Variants in CFAP251 observed in about 807,000 individuals in gnomAD.
CFAP251 encodes cilia- and flagella-associated protein 251.
A neutral mutation model predicts 126.7 loss-of-function variants in CFAP251; 93 were observed. That is an observed-to-expected ratio of 0.73 (90% CI 0.62 to 0.87). The LOEUF is 0.87. CFAP251 is among the 40% of genes least tolerant of loss of function. The pLI, the probability that CFAP251 is intolerant of heterozygous loss-of-function variation, is 0.00. For missense variants in CFAP251, 1,287 were observed against 1,389.2 expected, an observed-to-expected ratio of 0.93 and a Z score of 1.17; for synonymous variants, 503 against 506.9, an observed-to-expected ratio of 0.99 and a Z score of 0.10.
chr12:121,992,785 A>G (rs1050553479), intron 19 of CFAP251, among the ~76,000 whole-genome samples: 1 of 152,038 alleles, frequency 6.6e-6, no homozygotes. Context: ...TTCACAGCCC[A>G]GGCTGTCTCA....
At chr12:121,936,730 C>T (rs1292602000) in intron 5 of CFAP251, among the ~76,000 whole-genome samples, 1 of 152,070 alleles carries the variant, frequency 6.6e-6, no homozygotes, top group East Asian at 1.9e-4. Context: ...TGTAGGGTTT[C>T]AGGGAGGGGC....
At chr12:121,953,740 G>T (rs1245310240) in intron 9 of CFAP251, 2 of 191,350 alleles carry the variant, frequency 1.0e-5, no homozygotes, top group Non-Finnish European at 2.2e-5. Flanking sequence ...ATAAAAGGAG[G>T]CTGGGATAAT....
chr12:122,000,318 G>A lies in CFAP251; in HGVS notation c.3235+374G>A, dbSNP rs192893897. Reference sequence around the variant, plus strand: ...TGTAATCCCAGCACTTTGGGAGGCCGAGGCGGGCGGATTGCTTGAGGTCAG... The same window carrying A: ...TGTAATCCCAGCACTTTGGGAGGCCAAGGCGGGCGGATTGCTTGAGGTCAG... On this transcript the variant is annotated intron_variant, in intron 20 of 21. Transcript: ENST00000288912. Among the ~76,000 whole-genome samples, 49 of 152,240 alleles carry A rather than the reference G, an allele frequency of 3.2e-4. 1 individual carries two copies. In the East Asian group the frequency reaches 8.3e-3, roughly 26 times the overall value.
chr12:121,950,606 G>T (rs1881484813), intron 8 of CFAP251: 1 of 152,018 alleles, frequency 6.6e-6, no homozygotes, highest in African/African-American at 2.4e-5. Context: ...CATCCAGGCT[G>T]CAGTGCAGTG....
rs1881427083 is a variant in CFAP251, at chr12:121,949,029, A to G, written c.1237A>G (p.Asn413Asp). ...NPTNNKELVS[N>D]SKTRAIYYAW... The stretch of plus-strand genomic sequence containing the variant: ...AACAAATAATAAAGAATTGGTGAGC[A>G]ATAGTAAAACACGGGCAATATATTA... Residue 413 changes from asparagine to aspartate, a missense_variant, in exon 8 of 22, where the codon AAT (asparagine) becomes GAT (aspartate). By Grantham distance (23) the Asn-to-Asp change is conservative (BLOSUM62 1). Coordinates refer to ENST00000288912, the MANE Select transcript of CFAP251 (RefSeq NM_144668.6). 6.3e-7 allele frequency: 1 copy of G among 1,590,302 alleles called. No homozygotes were observed. The highest frequency in any genetic ancestry group is 8.6e-7 in the Non-Finnish European group (1 of 1,168,592).
chr12:121,995,978 G>A (rs1883013936), intron 19 of CFAP251, among the ~76,000 whole-genome samples: 1 of 152,204 alleles, frequency 6.6e-6, no homozygotes, highest in South Asian at 2.1e-4. Flanking sequence ...ATTGTGATTG[G>A]ATGGTTGGAT....
intron 5 of CFAP251, among the ~76,000 whole-genome samples, chr12:121,937,344 G>A (rs1035001013): frequency 6.6e-6 from 1 of 152,102 alleles, no homozygotes; most frequent in African/African-American, 2.4e-5. Flanking sequence ...GAGGACACTG[G>A]GCATTAGATT....
chr12:121,931,621 T>C (rs1247928911), intron 3 of CFAP251, 125 bp from the exon 4 acceptor site: 3 of 994,308 alleles, frequency 3.0e-6, no homozygotes, highest in Non-Finnish European at 2.7e-6. Context: ...CTGAGGACTT[T>C]CTTAAAGTGG....
At chr12:121,968,256 C>A in intron 17 of CFAP251, 87 bp downstream of exon 17, 2 of 1,362,694 alleles carry the variant, frequency 1.5e-6, no homozygotes, top group East Asian at 2.4e-5. Flanking sequence ...TACTGCGTGC[C>A]AGGCACTGTG....
At chr12:121,987,829 G>A (rs1713114547) in intron 19 of CFAP251, among the ~76,000 whole-genome samples, 1 of 152,080 alleles carries the variant, frequency 6.6e-6, no homozygotes, top group South Asian at 2.1e-4. Flanking sequence ...CGAGGGCACA[G>A]CCAGGGTTTG....
At chr12:121,969,167 A>G (rs977784241) in intron 17 of CFAP251, 21 of 985,312 alleles carry the variant, frequency 2.1e-5, no homozygotes, top group Non-Finnish European at 2.5e-5. Context: ...ACCCCCTGCC[A>G]TCTGCCAAAT....
intron 17 of CFAP251, chr12:121,969,224 C>T (rs1239512446): frequency 1.0e-6 from 1 of 985,306 alleles, no homozygotes; most frequent in African/African-American, 1.7e-5. Context: ...TACTCTTAAC[C>T]TGAATATGAG....
rs772834701 is a variant in CFAP251, at chr12:121,942,606, C to T, written c.1071C>T (p.Asp357=). The part of the protein sequence containing the change: ...NGIMAMAMTH[D]AKYLATISDA... Reference sequence around the variant, plus strand: ...TCATGGCCATGGCCATGACCCACGACGCCAAGTATCTGGCAACCATCTCAG... The same window carrying T: ...TCATGGCCATGGCCATGACCCACGATGCCAAGTATCTGGCAACCATCTCAG... Residue 357 remains aspartate, a synonymous_variant, in exon 6 of 22, where the codon GAC becomes GAT. Transcript: ENST00000288912. The T allele has an allele frequency of 1.9e-5, 31 of 1,613,402 alleles. No individual in the cohort carries two copies. Among genetic ancestry groups the T allele is most frequent in the South Asian group, 4.4e-5 (4 of 91,084 alleles).
At chr12:121,976,823 C>A (rs1336271788) in intron 19 of CFAP251, among the ~76,000 whole-genome samples, 1 of 152,094 alleles carries the variant, frequency 6.6e-6, no homozygotes, top group East Asian at 1.9e-4. Context: ...GCAGGAGGAT[C>A]ACTTGAGCCC....
At position 121,926,621 on chromosome 12, in the gene CFAP251, C is replaced by A. The variant is rs117510377; in HGVS notation, c.747+2631C>A. The stretch of plus-strand genomic sequence containing the variant: ...GAGATTATAGGTGTGAGCTACCGTA[C>A]CCGGCCTCAATTTTTTCTTTTTGTT... On this transcript the variant is annotated intron_variant, in intron 3 of 21. Transcript: ENST00000288912. Among the ~76,000 whole-genome samples the A allele has an allele frequency of 1.3e-3, 197 of 152,284 alleles. 5 individuals carry two copies. In the East Asian group the frequency reaches 0.036, roughly 28 times the overall value.
At chr12:121,960,545 C>T (rs577967252) in intron 13 of CFAP251, 40 bp from the exon 14 acceptor site, 83 of 1,606,124 alleles carry the variant, frequency 5.2e-5, no homozygotes, top group South Asian at 3.8e-4. Context: ...ATTTACTAAA[C>T]GTAAAATGGG....
In CFAP251 at chr12:121,951,547, C is replaced by T. The variant is rs1881525501; in HGVS notation, c.1320+17C>T. 1.1e-5 allele frequency: 17 copies of T among 1,565,676 alleles called. No homozygotes were observed. Among genetic ancestry groups the T allele is most frequent in the Non-Finnish European group, 1.4e-5 (16 of 1,141,492 alleles). On this transcript the variant is annotated intron_variant, in intron 9 of 21. Coordinates refer to ENST00000288912, the MANE Select transcript of CFAP251 (RefSeq NM_144668.6). ...ACTGAAAAAGTGAGTATGCCTATTG[C>T]ATTTTTGTCCATCAGATTTTGTGGA...
chr12:121,940,172 A>T (rs1881053259), intron 5 of CFAP251, among the ~76,000 whole-genome samples: 1 of 152,242 alleles, frequency 6.6e-6, no homozygotes, highest in Non-Finnish European at 1.5e-5. Context: ...CAACTCTGGT[A>T]TGTCAAATTC....
intron 17 of CFAP251, chr12:121,971,799 T>C: frequency 5.4e-6 from 3 of 560,698 alleles, no homozygotes; most frequent in Middle Eastern, 3.8e-4. Context: ...TCATCTTGAA[T>C]TGTACTCCGA....
Sources: gnomAD v4.1 joint callset for allele counts (sites outside exome capture counted in the v4.1 genomes callset) on GRCh38, gnomAD v4.1.1 for gene constraint, MANE v1.5 for transcripts, NCBI Gene and HGNC (gene_info 2026-07-23, HGNC 2026-07-21) for gene names.